ZBTB25: variants seen among roughly 807,000 people sequenced by gnomAD.
The protein encoded by ZBTB25 is zinc finger and BTB domain containing 25.
Under a neutral mutation model 34.2 loss-of-function variants are expected in ZBTB25, and 20 were observed. The ratio of observed to expected loss-of-function variants is 0.58; its 90% CI spans 0.41 to 0.85. The LOEUF (loss-of-function observed/expected upper bound fraction) is 0.85. ZBTB25 is among the 40% of genes least tolerant of loss of function. The probability of loss-of-function intolerance (pLI) is 0.00; values close to 1 mark genes in which losing one functional copy is unlikely to be tolerated. For missense variants in ZBTB25, 437 were observed against 521.8 expected, an observed-to-expected ratio of 0.84 and a Z score of 1.58; for synonymous variants, 175 against 186.4, an observed-to-expected ratio of 0.94 and a Z score of 0.50.
intron 1 of ZBTB25, among the ~76,000 whole-genome samples, chr14:64,494,891 T>G (rs2079216990): frequency 6.6e-6 from 1 of 152,212 alleles, no homozygotes; most frequent in Non-Finnish European, 1.5e-5. Flanking sequence ...TTAAATGACT[T>G]ATCTGTCATA....
chr14:64,505,102 G>T, upstream of ZBTB25: 1 of 351,932 alleles, frequency 2.8e-6, no homozygotes. Flanking sequence ...GGTGACGGGC[G>T]GCTGCCAGGC....
chr14:64,500,475 A>AAAAAAAAAAAAAAAAAAAG (rs35009526), intron 1 of ZBTB25, among the ~76,000 whole-genome samples: 1 of 70,526 alleles, frequency 1.4e-5, no homozygotes. Context: ...AAAAAAAAAA[A>AAAAAAAAAAAAAAAAAAAG]AGAGAGAGAG....
At chr14:64,473,052 AG>A (rs1196070904), downstream of ZBTB25, 2 of 167,028 alleles carry the variant, frequency 1.2e-5, no homozygotes, top group African/African-American at 4.8e-5. Flanking sequence ...TAACTTTTTC[AG>A]CATATTATCA....
exon 3 of ZBTB25, chr14:64,449,299 G>A (rs891428074): frequency 1.8e-5 from 16 of 873,282 alleles, no homozygotes; most frequent in Admixed American, 3.9e-5. Flanking sequence ...AGTAAGTTTC[G>A]GAGCTGAGAT....
At chr14:64,458,483 G>A (rs1386855692) in intron 2 of ZBTB25, 2 of 649,152 alleles carry the variant, frequency 3.1e-6, no homozygotes, top group Non-Finnish European at 5.6e-6. Flanking sequence ...CCAATGAATT[G>A]AAATATTTAT....
At chr14:64,469,697 G>A (rs774888998) in intron 2 of ZBTB25, 34 of 1,496,870 alleles carry the variant, frequency 2.3e-5, no homozygotes, top group Non-Finnish European at 2.7e-5. Flanking sequence ...CCAGAGTCAC[G>A]GCAGAAAAAA....
intron 2 of ZBTB25, chr14:64,467,121 A>C (rs2078620309): frequency 6.6e-6 from 1 of 152,220 alleles, no homozygotes; most frequent in Admixed American, 6.5e-5. Context: ...TTTACTAATG[A>C]AACACTGCAG....
intron 2 of ZBTB25, chr14:64,469,389 G>A (rs377383578): frequency 1.2e-6 from 2 of 1,613,960 alleles, no homozygotes; most frequent in Non-Finnish European, 1.7e-6. Flanking sequence ...TCAGAAGAAA[G>A]CAAAAGAATG....
chr14:64,449,631 T>C, exon 3 of ZBTB25: 8 of 1,613,822 alleles, frequency 5.0e-6, no homozygotes, highest in Non-Finnish European at 5.9e-6. Flanking sequence ...AGGTGGGTGA[T>C]TTGCTGTCTG....
At chr14:64,454,881 T>C (rs915747651) in intron 2 of ZBTB25, 6 of 1,614,020 alleles carry the variant, frequency 3.7e-6, no homozygotes, top group Non-Finnish European at 4.2e-6. Context: ...GAACGGTAAG[T>C]GCATGCTGCA....
rs1249025296 is a variant in ZBTB25, at chr14:64,485,608, C to T, written c.*1315G>A. 1 of 985,176 alleles carries T rather than the reference C, an allele frequency of 1.0e-6. No homozygotes were observed. Among genetic ancestry groups the T allele is most frequent in the African/African-American group, 1.7e-5 (1 of 57,216 alleles). The allele number at this position is 985,176 out of a possible 1,614,324, so 61.0% of individuals were successfully genotyped here. ...TAGAGGAAAAGCTAACATCATGGAT[C>T]TTAAATGTAGTTATAGAACACTGAA... On this transcript the variant is annotated 3_prime_UTR_variant, in exon 3 of 3. Coordinates refer to ENST00000608382, the MANE Select transcript of ZBTB25 (RefSeq NM_006977.5).
chr14:64,468,760 A>G, intron 2 of ZBTB25: 1 of 1,614,192 alleles, frequency 6.2e-7, no homozygotes, highest in Non-Finnish European at 8.5e-7. Context: ...AAAAGGCAAA[A>G]TCTAGACTTA....
chr14:64,501,474 T>C (rs1333814632), intron 1 of ZBTB25, among the ~76,000 whole-genome samples: 1 of 152,240 alleles, frequency 6.6e-6, no homozygotes, highest in East Asian at 1.9e-4. Context: ...AAGACTGAAG[T>C]TCACATGCTA....
At chr14:64,464,672 G>A (rs2078591562) in intron 2 of ZBTB25, among the ~76,000 whole-genome samples, 1 of 152,198 alleles carries the variant, frequency 6.6e-6, no homozygotes, top group South Asian at 2.1e-4. Flanking sequence ...AGAGGAGGAG[G>A]CTGGGATTGT....
chr14:64,468,209 T>C (rs940934846), intron 2 of ZBTB25: 7 of 429,592 alleles, frequency 1.6e-5, no homozygotes, highest in Non-Finnish European at 2.5e-5. Flanking sequence ...TTACAAGCCA[T>C]AGAGAAACTG....
intron 2 of ZBTB25, among the ~76,000 whole-genome samples, chr14:64,453,296 G>A (rs2078406372): frequency 6.6e-6 from 1 of 152,056 alleles, no homozygotes; most frequent in Non-Finnish European, 1.5e-5. Flanking sequence ...TCCTGGCTGG[G>A]TGCAGTGGCT....
chr14:64,488,211 T>C (rs2078949368), intron 2 of ZBTB25, among the ~76,000 whole-genome samples, 154 bp from the exon 3 acceptor site: 2 of 152,182 alleles, frequency 1.3e-5, no homozygotes, highest in African/African-American at 2.4e-5. Flanking sequence ...GCTTAAACTT[T>C]CATTTTATAC....
chr14:64,493,947 G>A (rs2079176868), intron 1 of ZBTB25, among the ~76,000 whole-genome samples: 1 of 152,122 alleles, frequency 6.6e-6, no homozygotes, highest in Non-Finnish European at 1.5e-5. Flanking sequence ...TGATCAGCGG[G>A]GACAAGAAGC....
At chr14:64,496,482 C>T (rs779175450) in intron 1 of ZBTB25, among the ~76,000 whole-genome samples, 2 of 151,920 alleles carry the variant, frequency 1.3e-5, no homozygotes, top group African/African-American at 2.4e-5. Context: ...CAGAGCGAGA[C>T]TCCATCTCAA....
Sources: allele counts gnomAD v4.1 joint callset (sites outside exome capture counted in the v4.1 genomes callset), GRCh38; gene constraint gnomAD v4.1.1; transcripts MANE v1.5; gene names NCBI Gene and HGNC (gene_info 2026-07-23, HGNC 2026-07-21).